The following CYP7B1 variants were observed in gnomAD, a reference collection of about 807,000 sequenced individuals.
CYP7B1 encodes cytochrome P450 7B1.
Under a neutral mutation model 42.7 loss-of-function variants are expected in CYP7B1, and 29 were observed. That is an observed-to-expected ratio of 0.68 (90% CI 0.51 to 0.93). CYP7B1 has a LOEUF of 0.93. Among genes scored for constraint, CYP7B1 ranks in the 40% least tolerant of loss-of-function variants. The pLI is 0.00. For synonymous variants in CYP7B1, 235 were observed against 218.2 expected, an observed-to-expected ratio of 1.08 and a Z score of -0.68; for missense variants, 655 against 600.5, an observed-to-expected ratio of 1.09 and a Z score of -0.95.
chr8:64,700,780 AATAC>A (rs1168733995), intron 1 of CYP7B1, among the ~76,000 whole-genome samples: 1 of 152,150 alleles, frequency 6.6e-6, no homozygotes, highest in African/African-American at 2.4e-5. Flanking sequence ...AACATAAGCT[AATAC>A]ATAATCATAC....
chr8:64,627,938 C>A (rs1323398426), intron 1 of CYP7B1, among the ~76,000 whole-genome samples: 2 of 152,178 alleles, frequency 1.3e-5, no homozygotes, highest in Non-Finnish European at 2.9e-5. Context: ...TGATGACACA[C>A]AGCACAGTGC....
At chr8:64,618,815 AGTACT>A (rs1290933157) in intron 2 of CYP7B1, among the ~76,000 whole-genome samples, 2 of 152,192 alleles carry the variant, frequency 1.3e-5, no homozygotes. Flanking sequence ...TATAAAAATC[AGTACT>A]GTTAACTTCA....
intron 1 of CYP7B1, among the ~76,000 whole-genome samples, chr8:64,786,917 C>T (rs568157002): frequency 6.6e-6 from 1 of 152,352 alleles, no homozygotes; most frequent in Admixed American, 6.5e-5. Flanking sequence ...GGCTCAACAC[C>T]ACATGGAAGC....
At position 64,747,914 on chromosome 8, in the gene CYP7B1, A is replaced by G. The variant is rs546471673; in HGVS notation, c.122+50552T>C. On this transcript the variant is annotated intron_variant, in intron 1 of 5. Coordinates refer to ENST00000310193, the MANE Select transcript of CYP7B1 (RefSeq NM_004820.5). ...GCAGAAGAAAGTATGAAGTCACCCAATGGGTAAGGCTAAAAACTTGCAGGG... is the reference window on the plus strand; with the variant it reads ...GCAGAAGAAAGTATGAAGTCACCCAGTGGGTAAGGCTAAAAACTTGCAGGG... Among the ~76,000 whole-genome samples, 48 of 152,168 alleles carry G rather than the reference A, an allele frequency of 3.2e-4. No individual in the cohort carries two copies. The South Asian group carries it at 3.9e-3, about 13-fold the overall frequency.
rs150694887 is a variant in CYP7B1, at chr8:64,625,916, T to C, written c.123-1377A>G. Among the ~76,000 whole-genome samples the C allele has an allele frequency of 4.3e-3, 660 of 151,920 alleles. 4 individuals are homozygous for C. Among genetic ancestry groups the C allele is most frequent in the African/African-American group, 0.015 (627 of 41,284 alleles). Reference sequence around the variant, plus strand: ...CTTATATAATAAAGGTATAGAGGGATGATGCATTATGGGATTTGAAGTTTT... The same window carrying C: ...CTTATATAATAAAGGTATAGAGGGACGATGCATTATGGGATTTGAAGTTTT... On this transcript the variant is annotated intron_variant, in intron 1 of 5. Coordinates refer to ENST00000310193, the MANE Select transcript of CYP7B1 (RefSeq NM_004820.5).
intron 1 of CYP7B1, among the ~76,000 whole-genome samples, chr8:64,656,558 C>T (rs1806123682): frequency 6.6e-6 from 1 of 152,206 alleles, no homozygotes. Flanking sequence ...GGCCGAGCTG[C>T]AGGGAAGGCC....
chr8:64,646,558 G>A (rs1805957484), intron 1 of CYP7B1, among the ~76,000 whole-genome samples: 1 of 152,186 alleles, frequency 6.6e-6, no homozygotes, highest in African/African-American at 2.4e-5. Context: ...TTGAAGCCAG[G>A]CACTGACTTC....
intron 1 of CYP7B1, among the ~76,000 whole-genome samples, chr8:64,695,069 C>A (rs947011124): frequency 6.6e-6 from 1 of 152,048 alleles, no homozygotes; most frequent in African/African-American, 2.4e-5. Flanking sequence ...ACAATTCGAA[C>A]CCTTCAATTA....
chr8:64,623,328 C>T (rs904385952), intron 2 of CYP7B1, among the ~76,000 whole-genome samples: 1 of 152,164 alleles, frequency 6.6e-6, no homozygotes, highest in Non-Finnish European at 1.5e-5. Context: ...GAAGCTTTTT[C>T]TCTCACTCCC....
chr8:64,632,073 A>G (rs894769860), intron 1 of CYP7B1, among the ~76,000 whole-genome samples: 1 of 152,156 alleles, frequency 6.6e-6, no homozygotes, highest in Non-Finnish European at 1.5e-5. Context: ...CCACTTCTGG[A>G]TATTTATCGA....
At chr8:64,665,990 A>G (rs992343758) in intron 1 of CYP7B1, among the ~76,000 whole-genome samples, 1 of 151,268 alleles carries the variant, frequency 6.6e-6, no homozygotes, top group Non-Finnish European at 1.5e-5. Context: ...CACTCTCTAA[A>G]TGCTCCATTT....
At chr8:64,708,938 A>T (rs974136269) in intron 1 of CYP7B1, among the ~76,000 whole-genome samples, 6 of 152,204 alleles carry the variant, frequency 3.9e-5, no homozygotes, top group African/African-American at 1.4e-4. Context: ...TAACACCATT[A>T]GTTCTCCCTC....
chr8:64,661,630 G>T (rs1168214252), intron 1 of CYP7B1, among the ~76,000 whole-genome samples: 1 of 152,122 alleles, frequency 6.6e-6, no homozygotes, highest in Non-Finnish European at 1.5e-5. Flanking sequence ...AGTAGAGGGG[G>T]ACAGATCTGA....
At chr8:64,679,582 T>G (rs1806505726) in intron 1 of CYP7B1, among the ~76,000 whole-genome samples, 1 of 152,208 alleles carries the variant, frequency 6.6e-6, no homozygotes, top group African/African-American at 2.4e-5. Flanking sequence ...CTTCTATTTC[T>G]ATTTCTAAAA....
chr8:64,775,191 C>CA (rs1375316867), intron 1 of CYP7B1, among the ~76,000 whole-genome samples: 6 of 152,072 alleles, frequency 3.9e-5, no homozygotes, highest in Admixed American at 2.0e-4. Flanking sequence ...AGCATTGCTC[C>CA]AGTCTTCAGA....
At chr8:64,718,892 G>C (rs372113342) in intron 1 of CYP7B1, among the ~76,000 whole-genome samples, 2 of 152,282 alleles carry the variant, frequency 1.3e-5, no homozygotes, top group South Asian at 4.1e-4. Context: ...TATGGGCAGG[G>C]TTACCCCCTC....
chr8:64,722,770 T>TTTA (rs1807265118), intron 1 of CYP7B1, among the ~76,000 whole-genome samples: 1 of 150,192 alleles, frequency 6.7e-6, no homozygotes, highest in East Asian at 2.0e-4. Context: ...GAGGTTTTTT[T>TTTA]TTATTATTAT....
chr8:64,626,951 C>T (rs1805618460), intron 1 of CYP7B1, among the ~76,000 whole-genome samples: 1 of 152,136 alleles, frequency 6.6e-6, no homozygotes, highest in Admixed American at 6.6e-5. Context: ...ATATCAGAGG[C>T]TTTTATTTTC....
At chr8:64,689,907 G>A (rs1585858010) in intron 1 of CYP7B1, among the ~76,000 whole-genome samples, 3 of 152,104 alleles carry the variant, frequency 2.0e-5, no homozygotes, top group South Asian at 2.1e-4. Context: ...TTTGGAAAAC[G>A]CTTCAAATAA....
Sources: gnomAD v4.1 joint callset for allele counts (sites outside exome capture counted in the v4.1 genomes callset) on GRCh38, gnomAD v4.1.1 for gene constraint, MANE v1.5 for transcripts, NCBI Gene and HGNC (gene_info 2026-07-23, HGNC 2026-07-21) for gene names.